Variants in HPSE2 observed in about 807,000 individuals in gnomAD.
The protein encoded by HPSE2 is inactive heparanase-2.
Under a neutral mutation model 60.5 loss-of-function variants are expected in HPSE2, and 38 were observed. The ratio of observed to expected loss-of-function variants is 0.63; its 90% CI spans 0.48 to 0.82. The LOEUF (loss-of-function observed/expected upper bound fraction) is 0.82, where lower values mean the gene tolerates loss of function less well. Among genes scored for constraint, HPSE2 ranks in the 40% least tolerant of loss-of-function variants. The pLI, the probability that HPSE2 is intolerant of heterozygous loss-of-function variation, is 0.00. For synonymous variants in HPSE2, 295 were observed against 293.2 expected (o/e 1.01, Z -0.06); for missense variants, 713 against 740.4 (o/e 0.96, Z 0.43).
chr10:98,601,235 T>G (rs1353148534), intron 9 of HPSE2, among the ~76,000 whole-genome samples: 3 of 152,178 alleles, frequency 2.0e-5, no homozygotes, highest in African/African-American at 7.2e-5. Flanking sequence ...ACTCAAAGTC[T>G]ATTAATTTAA....
chr10:99,123,151 T>C (rs922674953), intron 3 of HPSE2, among the ~76,000 whole-genome samples: 1 of 152,066 alleles, frequency 6.6e-6, no homozygotes, highest in Admixed American at 6.6e-5. Flanking sequence ...AAGCTCTAAA[T>C]TAAAAACAGT....
the HPSE2 span, among the ~76,000 whole-genome samples, chr10:99,300,609 T>G: frequency 6.6e-6 from 1 of 152,170 alleles, no homozygotes; most frequent in Non-Finnish European, 1.5e-5. Flanking sequence ...CTTTCCCAAT[T>G]ACAGGCCACA....
intron 3 of HPSE2, chr10:99,048,067 G>A: frequency 1.4e-6 from 1 of 723,908 alleles, no homozygotes; most frequent in Non-Finnish European, 2.4e-6. Context: ...TTGCATGGGG[G>A]TACCCAAATA....
chr10:99,016,697 T>C (rs529130462), intron 3 of HPSE2, among the ~76,000 whole-genome samples: 1 of 152,308 alleles, frequency 6.6e-6, no homozygotes, highest in African/African-American at 2.4e-5. Context: ...GTGTCATCTC[T>C]GATTTCTTTG....
chr10:99,124,743 G>A (rs1253128470), intron 3 of HPSE2, among the ~76,000 whole-genome samples: 1 of 152,260 alleles, frequency 6.6e-6, no homozygotes, highest in Non-Finnish European at 1.5e-5. Flanking sequence ...TGGGGCAGAG[G>A]AGCTTCCCTG....
At chr10:99,116,575 C>A (rs1323541712) in intron 3 of HPSE2, among the ~76,000 whole-genome samples, 1 of 152,130 alleles carries the variant, frequency 6.6e-6, no homozygotes, top group Non-Finnish European at 1.5e-5. Context: ...CTAAGAGAGG[C>A]CTTCCCTGAC....
At chr10:99,015,054 G>A (rs1957106921) in intron 3 of HPSE2, among the ~76,000 whole-genome samples, 1 of 152,202 alleles carries the variant, frequency 6.6e-6, no homozygotes, top group East Asian at 1.9e-4. Context: ...GCAGCCAAAA[G>A]ACACATGAAA....
intron 3 of HPSE2, among the ~76,000 whole-genome samples, chr10:99,125,330 A>G (rs542643253): frequency 6.6e-6 from 1 of 152,344 alleles, no homozygotes; most frequent in African/African-American, 2.4e-5. Flanking sequence ...TGGTCCTTCC[A>G]TGATAAAAAT....
rs192385489 is a variant in HPSE2 at position 99,013,574 on chromosome 10, C to T, written c.610+130664G>A. On this transcript the variant is annotated intron_variant, in intron 3 of 11. Coordinates refer to ENST00000370552, the MANE Select transcript of HPSE2 (RefSeq NM_021828.5). ...GCAACCTCCGCCTCCCAGGTTCAAG[C>T]AATTCTCCTGTCTCAGCCTCCCGAG... 151 of 239,978 alleles carry T rather than the reference C, an allele frequency of 6.3e-4. No homozygotes were observed. The Admixed American group carries it at 6.8e-3, about 11-fold the overall frequency. 14.9% of individuals were successfully genotyped at this position (239,978 alleles called of 1,614,324 possible).
intron 3 of HPSE2, among the ~76,000 whole-genome samples, chr10:98,810,915 T>C (rs1356984534): frequency 1.3e-5 from 2 of 152,126 alleles, no homozygotes; most frequent in Admixed American, 1.3e-4. Flanking sequence ...CTCAAAAATA[T>C]AGCTGTGAGC....
intron 3 of HPSE2, among the ~76,000 whole-genome samples, chr10:98,822,060 T>C (rs1338508207): frequency 3.9e-5 from 6 of 152,208 alleles, no homozygotes; most frequent in South Asian, 2.1e-4. Context: ...CCAGAATCTA[T>C]ATGTCTTTTA....
At chr10:98,653,358 G>A (rs997007080) in intron 6 of HPSE2, among the ~76,000 whole-genome samples, 6 of 151,104 alleles carry the variant, frequency 4.0e-5, no homozygotes, top group African/African-American at 1.5e-4. Context: ...AATGATGATT[G>A]ATATAGTTAG....
At chr10:98,849,467 T>C (rs1351498367) in intron 3 of HPSE2, among the ~76,000 whole-genome samples, 1 of 152,156 alleles carries the variant, frequency 6.6e-6, no homozygotes, top group Non-Finnish European at 1.5e-5. Flanking sequence ...CTGACAACCA[T>C]CCTTCTGCTT....
intron 3 of HPSE2, among the ~76,000 whole-genome samples, chr10:99,122,220 C>T (rs1844981373): frequency 6.6e-6 from 1 of 151,882 alleles, no homozygotes; most frequent in Non-Finnish European, 1.5e-5. Context: ...CTTATTTTTA[C>T]CTCAAATGTA....
At chr10:98,481,892 C>T (rs999049104) in intron 11 of HPSE2, among the ~76,000 whole-genome samples, 1 of 152,158 alleles carries the variant, frequency 6.6e-6, no homozygotes, top group Admixed American at 6.5e-5. Context: ...GTGGCCTTGC[C>T]CTTGACCAGG....
In HPSE2 at chr10:98,873,415, T is replaced by C. The variant is rs554760954; in HGVS notation, c.611-129359A>G. 2.0e-5 allele frequency among the ~76,000 whole-genome samples: 3 copies of C among 152,174 alleles called. No individual in the cohort carries two copies. In the South Asian group the frequency reaches 6.2e-4, roughly 32 times the overall value. On this transcript the variant is annotated intron_variant, in intron 3 of 11. Transcript: ENST00000370552. Reference sequence around the variant, plus strand: ...TTGTTTACCTCCCTGTGTCCATGTGTTCTCATTGCTCAACTCCCACTTATG... The same window carrying C: ...TTGTTTACCTCCCTGTGTCCATGTGCTCTCATTGCTCAACTCCCACTTATG...
At chr10:99,258,832 A>C in the HPSE2 span, among the ~76,000 whole-genome samples, 4 of 152,194 alleles carry the variant, frequency 2.6e-5, no homozygotes, top group Admixed American at 2.6e-4. Flanking sequence ...AAAACAAACA[A>C]AACTTAGCAC....
At chr10:98,952,297 C>T (rs1018034087) in intron 3 of HPSE2, among the ~76,000 whole-genome samples, 2 of 148,632 alleles carry the variant, frequency 1.3e-5, no homozygotes, top group East Asian at 2.0e-4. Context: ...AAGGATTCCC[C>T]GCTCAAAAGA....
chr10:98,907,086 T>C (rs987528376), intron 3 of HPSE2, among the ~76,000 whole-genome samples: 1 of 152,206 alleles, frequency 6.6e-6, no homozygotes, highest in African/African-American at 2.4e-5. Context: ...GCCCATTTTA[T>C]AGACAAAGAA....
Sources: allele counts gnomAD v4.1 joint callset (sites outside exome capture counted in the v4.1 genomes callset), GRCh38; gene constraint gnomAD v4.1.1; transcripts MANE v1.5; gene names NCBI Gene and HGNC (gene_info 2026-07-23, HGNC 2026-07-21).